Variants in SEPTIN9 observed in about 807,000 individuals in gnomAD.
The protein encoded by SEPTIN9 is septin-9.
A neutral mutation model predicts 56.6 loss-of-function variants in SEPTIN9; 13 were observed. The observed-to-expected ratio is 0.23, with a 90% CI of 0.15 to 0.37. SEPTIN9 has a LOEUF of 0.37. Among genes scored for constraint, SEPTIN9 ranks in the 10% least tolerant of loss-of-function variants. SEPTIN9 has a pLI of 1.00. For missense variants in SEPTIN9, 650 were observed against 823.1 expected, an observed-to-expected ratio of 0.79 and a Z score of 2.57; for synonymous variants, 332 against 334.1, an observed-to-expected ratio of 0.99 and a Z score of 0.07.
At chr17:77,325,972 C>A (rs2143682910) in intron 2 of SEPTIN9, among the ~76,000 whole-genome samples, 1 of 152,304 alleles carries the variant, frequency 6.6e-6, no homozygotes, top group South Asian at 2.1e-4. Context: ...CCTGGCCTCT[C>A]CCTAAGTGGA....
At chr17:77,306,949 G>C (rs1343964056) in intron 1 of SEPTIN9, among the ~76,000 whole-genome samples, 192 bp from the exon 2 acceptor site, 1 of 152,238 alleles carries the variant, frequency 6.6e-6, no homozygotes. Flanking sequence ...CAGCCAGACA[G>C]CAGTGGCTGT....
chr17:77,417,508 A>G (rs1173202576), intron 3 of SEPTIN9, among the ~76,000 whole-genome samples: 1 of 152,218 alleles, frequency 6.6e-6, no homozygotes, highest in East Asian at 1.9e-4. Context: ...GCAAATTCCA[A>G]ATCATAAACC....
rs189940335 is a variant in SEPTIN9 at position 77,303,887 on chromosome 17, C to T, written c.20-3254C>T. Reference sequence around the variant, plus strand: ...CACAGCAAGGGCCTGGCGAGGTCTGCGTTCAAATTCTGATCATCTGACTCC... The same window carrying T: ...CACAGCAAGGGCCTGGCGAGGTCTGTGTTCAAATTCTGATCATCTGACTCC... On this transcript the variant is annotated intron_variant, in intron 1 of 11. Transcript: ENST00000427177. Among the ~76,000 whole-genome samples the T allele has an allele frequency of 1.2e-3, 185 of 152,202 alleles. 1 individual carries two copies. Among genetic ancestry groups the T allele is most frequent in the Admixed American group, 9.0e-3 (138 of 15,284 alleles).
chr17:77,379,391 T>C (rs2035059912), intron 2 of SEPTIN9, among the ~76,000 whole-genome samples: 2 of 151,762 alleles, frequency 1.3e-5, no homozygotes, highest in African/African-American at 4.8e-5. Context: ...AGAGCGTGCA[T>C]GGTGGCCGTA....
At chr17:77,292,713 C>T (rs72880517) in intron 1 of SEPTIN9, among the ~76,000 whole-genome samples, 5,870 of 152,108 alleles carry the variant, frequency 0.039, 145 homozygotes, top group East Asian at 0.057. Flanking sequence ...GGGCTGGTCT[C>T]GAACTCTTGA....
rs148169361 is a variant in SEPTIN9, at chr17:77,289,120, G to A, written c.19+7566G>A. Among the ~76,000 whole-genome samples, 567 of 152,194 alleles carry A rather than the reference G, an allele frequency of 3.7e-3. 7 individuals are homozygous for A. Among genetic ancestry groups the A allele is most frequent in the Middle Eastern group, 0.017 (5 of 294 alleles). Reference sequence around the variant, plus strand: ...TTTGGTTTGGTTTGGTTTTTGAGACGGAGTCTCACTCTGTCACCCAGGCTG... The same window carrying A: ...TTTGGTTTGGTTTGGTTTTTGAGACAGAGTCTCACTCTGTCACCCAGGCTG... On this transcript the variant is annotated intron_variant, in intron 1 of 11. Coordinates refer to ENST00000427177, the MANE Select transcript of SEPTIN9 (RefSeq NM_001113491.2).
At chr17:77,426,350 C>T (rs1018712639) in intron 3 of SEPTIN9, among the ~76,000 whole-genome samples, 7 of 152,116 alleles carry the variant, frequency 4.6e-5, no homozygotes, top group South Asian at 2.1e-4. Context: ...CCCGAGCCCC[C>T]GGAGGCATGC....
Position 77,451,243 on chromosome 17 carries a change from C to G in SEPTIN9, c.722-30901C>G. 2 of 350,696 alleles carry G rather than the reference C, an allele frequency of 5.7e-6. No individual in the cohort carries two copies. The highest frequency in any genetic ancestry group is 8.0e-6 in the Non-Finnish European group (2 of 249,698). The allele number at this position is 350,696 out of a possible 1,614,324, so 21.7% of individuals were successfully genotyped here. ...TGTGGCAGCTCCTTGGCGTCCCTCC[C>G]GTGCCTTCAGGTTGCTTCTGCGCCG... On this transcript the variant is annotated intron_variant, in intron 3 of 11. Transcript: ENST00000427177. The surrounding 1 kb of genome is among the most constrained non-coding windows in gnomAD (Gnocchi z 4.2).
intron 2 of SEPTIN9, 73 bp downstream of exon 2, chr17:77,307,270 C>T (rs2032308728): frequency 7.4e-7 from 1 of 1,357,382 alleles, no homozygotes. Flanking sequence ...TCATTCTGGT[C>T]TGGGACCTGC....
Position 77,475,501 on chromosome 17 carries a change from AGG to A in SEPTIN9, c.722-6642_722-6641del, listed in dbSNP as rs1598432701. On this transcript the variant is annotated intron_variant, in intron 3 of 11. Coordinates refer to ENST00000427177, the MANE Select transcript of SEPTIN9 (RefSeq NM_001113491.2). The surrounding 1 kb of genome is among the most constrained non-coding windows in gnomAD (Gnocchi z 4.6). ...GGACAGGGAGCATCTGTTAGTTTAT[AGG>A]ACCTGAAGTGCCCCCATGGGCTCAA... 4.4e-6 allele frequency: 7 copies of A among 1,604,032 alleles called. No homozygotes were observed. The East Asian group carries it at 1.6e-4, about 36-fold the overall frequency.
intron 3 of SEPTIN9, among the ~76,000 whole-genome samples, chr17:77,422,560 C>T (rs1426009168): frequency 2.0e-5 from 3 of 152,138 alleles, no homozygotes; most frequent in Non-Finnish European, 2.9e-5. Flanking sequence ...GGTGGTCAGG[C>T]GGATCCTGGA....
In SEPTIN9 at chr17:77,498,671, C is replaced by CCCCCCCCCGGGGCCCG; in HGVS notation, c.*14_*15insCCCCCCCGGGGCCCGC. 6.4e-7 allele frequency: 1 copy of CCCCCCCCCGGGGCCCG among 1,557,708 alleles called. No homozygotes were observed. Among genetic ancestry groups the CCCCCCCCCGGGGCCCG allele is most frequent in the Non-Finnish European group, 8.7e-7 (1 of 1,152,606 alleles). ...CCCGGAGATGTAGACGCCACCCTGCCCACCCCCGGGATCCTGCCCCCAAGT... is the reference window on the plus strand; with the variant it reads ...CCCGGAGATGTAGACGCCACCCTGCCCCCCCCCCGGGGCCCGCACCCCCGGGATCCTGCCCCCAAGT... On this transcript the variant is annotated 3_prime_UTR_variant, in exon 12 of 12. Transcript: ENST00000427177.
At chr17:77,423,440 C>T (rs1007066580) in intron 3 of SEPTIN9, among the ~76,000 whole-genome samples, 2 of 152,260 alleles carry the variant, frequency 1.3e-5, no homozygotes, top group African/African-American at 4.8e-5. Context: ...CTCTCACCCC[C>T]ACCCAGATGG....
intron 1 of SEPTIN9, among the ~76,000 whole-genome samples, chr17:77,287,345 GC>G (rs1431592820): frequency 6.6e-6 from 1 of 152,224 alleles, no homozygotes; most frequent in Non-Finnish European, 1.5e-5. Flanking sequence ...TTGTGCCTGG[GC>G]CCCGGGAAAT....
chr17:77,430,522 G>A (rs912526535), intron 3 of SEPTIN9, among the ~76,000 whole-genome samples: 2 of 152,166 alleles, frequency 1.3e-5, no homozygotes, highest in Non-Finnish European at 2.9e-5. Flanking sequence ...GCAAGGGCCC[G>A]CAGAGCAGCC....
intron 2 of SEPTIN9, among the ~76,000 whole-genome samples, chr17:77,342,084 A>G (rs928211421): frequency 2.0e-5 from 3 of 151,980 alleles, no homozygotes; most frequent in African/African-American, 7.2e-5. Flanking sequence ...CAAAAAAAAA[A>G]AAACAAAGAA....
At chr17:77,464,263 A>G (rs1455606911) in intron 3 of SEPTIN9, among the ~76,000 whole-genome samples, 1 of 152,112 alleles carries the variant, frequency 6.6e-6, no homozygotes, top group East Asian at 1.9e-4. Context: ...TTTTTAGTAG[A>G]GACGGTGTTT....
chr17:77,384,286 C>T (rs2035253238), intron 2 of SEPTIN9, among the ~76,000 whole-genome samples: 1 of 152,136 alleles, frequency 6.6e-6, no homozygotes. Flanking sequence ...TGACTTTGTT[C>T]CCGCTTGTCA....
chr17:77,433,872 C>CAT lies in SEPTIN9; in HGVS notation c.721+31172_721+31173dup, dbSNP rs1054885180. Among the ~76,000 whole-genome samples, 7 of 152,158 alleles carry CAT rather than the reference C, an allele frequency of 4.6e-5. No individual in the cohort carries two copies. The highest frequency in any genetic ancestry group is 1.7e-4 in the African/African-American group (7 of 41,426). On this transcript the variant is annotated intron_variant, in intron 3 of 11. Transcript: ENST00000427177. The surrounding 1 kb of genome is among the most constrained non-coding windows in gnomAD (Gnocchi z 6.4). ...CTCTGCCCCTCCCGCTGGCCCTTCCCATATGGTCCTAATTAGGACCTTCCG... is the reference window on the plus strand; with the variant it reads ...CTCTGCCCCTCCCGCTGGCCCTTCCCATATATGGTCCTAATTAGGACCTTCCG...
Sources: gnomAD v4.1 joint callset for allele counts (sites outside exome capture counted in the v4.1 genomes callset) on GRCh38, gnomAD v4.1.1 for gene constraint, Gnocchi (gnomAD v3.1) non-coding constraint, MANE v1.5 for transcripts, NCBI Gene and HGNC (gene_info 2026-07-23, HGNC 2026-07-21) for gene names.